TRPC4: variants seen among roughly 807,000 people sequenced by gnomAD.
TRPC4 encodes transient receptor potential cation channel subfamily C member 4.
TRPC4 carries 49 observed loss-of-function variants against 99.4 expected under a neutral mutation model. The ratio of observed to expected loss-of-function variants is 0.49; its 90% CI spans 0.39 to 0.63. The LOEUF is 0.63. TRPC4 is among the 20% of genes least tolerant of loss of function. The probability of loss-of-function intolerance (pLI) is 0.00; values close to 1 mark genes in which losing one functional copy is unlikely to be tolerated. For synonymous variants in TRPC4, 454 were observed against 425.9 expected (o/e 1.07, Z -0.81); for missense variants, 898 against 1,152.9 (o/e 0.78, Z 3.20).
chr13:37,855,337 G>GATATATATATATATAT lies in TRPC4; in HGVS notation c.-28+14242_-28+14257dup, dbSNP rs59525799. Among the ~76,000 whole-genome samples, 72 of 136,576 alleles carry GATATATATATATATAT rather than the reference G, an allele frequency of 5.3e-4. 1 individual carries two copies. The highest frequency in any genetic ancestry group is 3.8e-3 in the Middle Eastern group (1 of 264). 89.6% of individuals were successfully genotyped at this position (136,576 alleles called of 152,430 possible). A position where few individuals can be genotyped will look rare whatever the true frequency, so the allele number is the denominator to read the frequency against. Reference sequence around the variant, plus strand: ...TACACATGTAGATATATACAATGTAGATATATATATATATATATATGCACC... The same window carrying GATATATATATATATAT: ...TACACATGTAGATATATACAATGTAGATATATATATATATATATATATATATATATATATATGCACC... On this transcript the variant is annotated intron_variant, in intron 1 of 10. Transcript: ENST00000379705.
At chr13:37,857,288 A>T (rs577538756) in intron 1 of TRPC4, among the ~76,000 whole-genome samples, 1 of 151,896 alleles carries the variant, frequency 6.6e-6, no homozygotes, top group African/African-American at 2.4e-5. Context: ...AAAAATGGAC[A>T]GATATTTCAT....
chr13:37,788,535 A>T (rs1278354822), intron 1 of TRPC4, among the ~76,000 whole-genome samples: 3 of 152,048 alleles, frequency 2.0e-5, no homozygotes, highest in African/African-American at 7.2e-5. Context: ...GCCTGCTGAA[A>T]TGAAACTGGT....
chr13:37,734,780 A>T (rs1314084319), intron 3 of TRPC4, among the ~76,000 whole-genome samples: 1 of 152,162 alleles, frequency 6.6e-6, no homozygotes, highest in Non-Finnish European at 1.5e-5. Context: ...GGCATGGAGA[A>T]AAATAACAAC....
At chr13:37,698,695 C>T (rs756939789) in intron 3 of TRPC4, among the ~76,000 whole-genome samples, 1 of 152,088 alleles carries the variant, frequency 6.6e-6, no homozygotes, top group Non-Finnish European at 1.5e-5. Context: ...AAAATCTCAA[C>T]AATAATCTCC....
At chr13:37,698,346 A>G (rs1401330290) in intron 3 of TRPC4, among the ~76,000 whole-genome samples, 1 of 150,952 alleles carries the variant, frequency 6.6e-6, no homozygotes, top group East Asian at 2.0e-4. Context: ...TATTTTTAGT[A>G]GAGTCAGGGT....
intron 1 of TRPC4, among the ~76,000 whole-genome samples, chr13:37,812,189 A>AAAAAAAAAAAAAAAC (rs1555276093): frequency 6.7e-6 from 1 of 149,008 alleles, no homozygotes; most frequent in African/African-American, 2.5e-5. Flanking sequence ...AAAAAAAAAA[A>AAAAAAAAAAAAAAAC]AAAAAACCAG....
At position 37,690,538 on chromosome 13, in the gene TRPC4, G is replaced by T. The variant is rs139138597; in HGVS notation, c.1234+1461C>A. ...TCCAACTCCTGATCTCAAGCGATCC[G>T]CCCGCTTTGGCTTCCCAAAGTGCTG... On this transcript the variant is annotated intron_variant, in intron 4 of 10. Coordinates refer to ENST00000379705, the MANE Select transcript of TRPC4 (RefSeq NM_016179.4). 8.9e-3 allele frequency among the ~76,000 whole-genome samples: 1,362 copies of T among 152,190 alleles called. 32 individuals are homozygous for T. The highest frequency in any genetic ancestry group is 0.032 in the African/African-American group (1,312 of 41,524).
intron 1 of TRPC4, among the ~76,000 whole-genome samples, chr13:37,784,135 G>A (rs892674787): frequency 1.3e-5 from 2 of 151,974 alleles, no homozygotes; most frequent in African/African-American, 2.4e-5. Context: ...TCATTGAGGG[G>A]GAAAGACATG....
At chr13:37,812,196 C>CAAAAAAAAAAGAAAA (rs1566188981) in intron 1 of TRPC4, among the ~76,000 whole-genome samples, 3 of 35,536 alleles carry the variant, frequency 8.4e-5, no homozygotes, top group African/African-American at 3.0e-4. Context: ...AAAAAAAAAA[C>CAAAAAAAAAAGAAAA]CAGGAGATCT....
chr13:37,820,634 T>C (rs2139528609), intron 1 of TRPC4, among the ~76,000 whole-genome samples: 1 of 152,222 alleles, frequency 6.6e-6, no homozygotes, highest in Admixed American at 6.6e-5. Context: ...TGGTTCAACA[T>C]GCTCAAATCA....
At chr13:37,692,452 T>TC in intron 3 of TRPC4, 117 bp from the exon 4 acceptor site, 1 of 977,338 alleles carries the variant, frequency 1.0e-6, no homozygotes, top group Non-Finnish European at 1.5e-6. Flanking sequence ...TCACATAATT[T>TC]TACATTTAAA....
At chr13:37,652,440 C>T (rs1426382100) in intron 7 of TRPC4, among the ~76,000 whole-genome samples, 1 of 152,128 alleles carries the variant, frequency 6.6e-6, no homozygotes, top group Non-Finnish European at 1.5e-5. Context: ...GGGTTTAATC[C>T]AGATATTGGA....
chr13:37,741,038 A>T (rs1955574570), intron 3 of TRPC4, among the ~76,000 whole-genome samples: 1 of 152,194 alleles, frequency 6.6e-6, no homozygotes, highest in Non-Finnish European at 1.5e-5. Context: ...AGGGAAAGGC[A>T]AATTAAATAT....
intron 6 of TRPC4, among the ~76,000 whole-genome samples, chr13:37,656,003 T>C (rs950183688): frequency 6.6e-6 from 1 of 152,166 alleles, no homozygotes; most frequent in Non-Finnish European, 1.5e-5. Flanking sequence ...ACATAATGCA[T>C]CTTGTAAGAT....
In TRPC4 at chr13:37,651,469, A is replaced by G; in HGVS notation, c.1885-10T>C. The G allele has an allele frequency of 6.2e-7, 1 of 1,612,064 alleles. No homozygotes were observed. Among genetic ancestry groups the G allele is most frequent in the Non-Finnish European group, 8.5e-7 (1 of 1,178,294 alleles). ...CTATATCTGCATGGTCCTGAACAGG[A>G]GAACATGACAACTGATGATAGGTTC... On this transcript the variant is annotated splice_polypyrimidine_tract_variant and intron_variant, in intron 7 of 10. Transcript: ENST00000379705.
intron 5 of TRPC4, among the ~76,000 whole-genome samples, chr13:37,673,956 T>C (rs2138760966): frequency 6.6e-6 from 1 of 152,238 alleles, no homozygotes; most frequent in Admixed American, 6.5e-5. Flanking sequence ...ACTAGAGCAG[T>C]TACTGTGAAT....
chr13:37,855,293 G>GTATA (rs1404495193), intron 1 of TRPC4, among the ~76,000 whole-genome samples: 1 of 129,670 alleles, frequency 7.7e-6, no homozygotes, highest in African/African-American at 3.2e-5. Context: ...AGGATACAAT[G>GTATA]TAGATATATA....
chr13:37,645,120 C>T (rs915684276), intron 8 of TRPC4, among the ~76,000 whole-genome samples: 1 of 151,942 alleles, frequency 6.6e-6, no homozygotes, highest in Middle Eastern at 3.4e-3. Flanking sequence ...TATTCCTTGG[C>T]AAAGTAGCTT....
At chr13:37,851,874 G>T (rs1161054555) in intron 1 of TRPC4, among the ~76,000 whole-genome samples, 1 of 152,192 alleles carries the variant, frequency 6.6e-6, no homozygotes, top group Non-Finnish European at 1.5e-5. Flanking sequence ...ACTCAGTGCT[G>T]CCCTGCAATA....
Sources: allele counts gnomAD v4.1 joint callset (sites outside exome capture counted in the v4.1 genomes callset), GRCh38; gene constraint gnomAD v4.1.1; transcripts MANE v1.5; gene names NCBI Gene and HGNC (gene_info 2026-07-23, HGNC 2026-07-21).